The following ARID1B variants were observed in gnomAD, a reference collection of about 807,000 sequenced individuals.
ARID1B encodes AT-rich interaction domain 1B, also known as AT-rich interactive domain-containing protein 1B.
Under a neutral mutation model 212.3 loss-of-function variants are expected in ARID1B, and 30 were observed. That is an observed-to-expected ratio of 0.14 (90% CI 0.11 to 0.19). ARID1B has a LOEUF of 0.19. ARID1B is among the 10% of genes least tolerant of loss of function. The pLI, the probability that ARID1B is intolerant of heterozygous loss-of-function variation, is 1.00. For synonymous variants in ARID1B, 1,402 were observed against 1,301.7 expected (o/e 1.08, Z -1.66); for missense variants, 2,891 against 3,204.0 (o/e 0.90, Z 2.36).
chr6:156,912,666 A>G (rs1789990576), intron 3 of ARID1B, among the ~76,000 whole-genome samples: 1 of 152,208 alleles, frequency 6.6e-6, no homozygotes, highest in South Asian at 2.1e-4. Context: ...ACAAGCAATC[A>G]GGAGAACTTA....
rs12175324 is a variant in ARID1B at position 157,102,732 on chromosome 6, G to A, written c.2492-7740G>A. On this transcript the variant is annotated intron_variant, in intron 5 of 19. Transcript: ENST00000636930. Reference sequence around the variant, plus strand: ...CTGCCTCAGCCTCCTGAGTGGCTGAGATTACAGGTGTACGCCACCACGCCT... The same window carrying A: ...CTGCCTCAGCCTCCTGAGTGGCTGAAATTACAGGTGTACGCCACCACGCCT... Among the ~76,000 whole-genome samples the A allele has an allele frequency of 4.0e-5, 6 of 149,992 alleles. No individual in the cohort carries two copies. The South Asian group carries it at 1.3e-3, about 32-fold the overall frequency.
At chr6:156,880,728 A>G (rs1786988578) in intron 2 of ARID1B, among the ~76,000 whole-genome samples, 1 of 130,870 alleles carries the variant, frequency 7.6e-6, no homozygotes, top group African/African-American at 2.9e-5. Context: ...CCACGGAGCG[A>G]GACTCTGTCT....
chr6:157,035,185 TATA>T lies in ARID1B; in HGVS notation c.2248-49473_2248-49471del, dbSNP rs1583187499. Among the ~76,000 whole-genome samples, 3 of 152,368 alleles carry T rather than the reference TATA, an allele frequency of 2.0e-5. No homozygotes were observed. In the East Asian group the frequency reaches 5.8e-4, roughly 29 times the overall value. Reference sequence around the variant, plus strand: ...GAATTTTCTTGTTACATTGACTTTTTATAATATGATAAAATATGCAGAACTCAC... The same window carrying T: ...GAATTTTCTTGTTACATTGACTTTTTATATGATAAAATATGCAGAACTCAC... On this transcript the variant is annotated intron_variant, in intron 4 of 19. Coordinates refer to ENST00000636930, the MANE Select transcript of ARID1B (RefSeq NM_001374828.1).
At chr6:157,170,866 TG>T (rs1791673676) in intron 9 of ARID1B, among the ~76,000 whole-genome samples, 3 of 152,216 alleles carry the variant, frequency 2.0e-5, no homozygotes, top group Admixed American at 2.0e-4. Flanking sequence ...ACCTTCACAG[TG>T]GACTTTCTGT....
intron 5 of ARID1B, among the ~76,000 whole-genome samples, chr6:157,091,269 G>A (rs979961119): frequency 2.6e-5 from 4 of 152,086 alleles, no homozygotes; most frequent in Admixed American, 6.5e-5. Context: ...CAGACAAAAA[G>A]CATGAGTTCT....
At chr6:156,927,260 T>A (rs941844299) in intron 3 of ARID1B, among the ~76,000 whole-genome samples, 8 of 152,230 alleles carry the variant, frequency 5.3e-5, no homozygotes, top group African/African-American at 1.9e-4. Context: ...TCTCCTCTCC[T>A]TCTCGTCCTC....
At position 157,206,944 on chromosome 6, in the gene ARID1B, G is replaced by A. The variant is rs772464386; in HGVS notation, c.6172G>A (p.Ala2058Thr). The A allele has an allele frequency of 1.7e-5, 28 of 1,614,148 alleles. No homozygotes were observed. Among genetic ancestry groups the A allele is most frequent in the East Asian group, 1.6e-4 (7 of 44,872 alleles). ...SRDETPLCTI[A>T]HWQDSLAKRC... Reference sequence around the variant, plus strand: ...AGACGAGACTCCTCTGTGTACCATCGCGCACTGGCAGGACTCGCTGGCTAA... The same window carrying A: ...AGACGAGACTCCTCTGTGTACCATCACGCACTGGCAGGACTCGCTGGCTAA... Residue 2058 changes from alanine (A) to threonine (T), a missense_variant, in exon 20 of 20, where the codon GCG (alanine) becomes ACG (threonine). By Grantham distance (58) the Ala-to-Thr change is moderately conservative. Coordinates refer to ENST00000636930, the MANE Select transcript of ARID1B (RefSeq NM_001374828.1). The surrounding 1 kb of genome is among the most constrained non-coding windows in gnomAD (Gnocchi z 6.8).
chr6:156,795,509 A>G (rs1274860208), intron 1 of ARID1B, among the ~76,000 whole-genome samples: 1 of 152,196 alleles, frequency 6.6e-6, no homozygotes, highest in African/African-American at 2.4e-5. Context: ...AAAAATCATC[A>G]AGACGGTAAT....
chr6:157,098,717 T>C (rs764283350), intron 5 of ARID1B, among the ~76,000 whole-genome samples: 1 of 152,242 alleles, frequency 6.6e-6, no homozygotes, highest in Non-Finnish European at 1.5e-5. Flanking sequence ...TTTTATTTAA[T>C]GGCTGTTTTA....
chr6:157,088,525 C>G (rs1244897029), intron 5 of ARID1B, among the ~76,000 whole-genome samples: 1 of 152,132 alleles, frequency 6.6e-6, no homozygotes, highest in African/African-American at 2.4e-5. Flanking sequence ...AAATCATTTC[C>G]CTAAGATTCA....
intron 2 of ARID1B, among the ~76,000 whole-genome samples, chr6:156,897,322 G>T (rs543663038): frequency 6.8e-6 from 1 of 147,066 alleles, no homozygotes; most frequent in African/African-American, 2.5e-5. Context: ...CGCCCAGGCT[G>T]GAGTGCACTG....
intron 5 of ARID1B, among the ~76,000 whole-genome samples, chr6:157,092,033 G>A (rs1213558661): frequency 3.3e-5 from 5 of 151,972 alleles, no homozygotes; most frequent in African/African-American, 4.8e-5. Flanking sequence ...TTGGCAAGCC[G>A]AGGAGGAAAA....
At position 157,200,571 on chromosome 6, in the gene ARID1B, CTGT is replaced by C. The variant is rs1794024063; in HGVS notation, c.4480-129_4480-127del. 1.5e-5 allele frequency: 14 copies of C among 964,246 alleles called. No individual in the cohort carries two copies. In the South Asian group the frequency reaches 2.2e-4, roughly 15 times the overall value. 59.7% of individuals were successfully genotyped at this position (964,246 alleles called of 1,614,324 possible). On this transcript the variant is annotated intron_variant, in intron 17 of 19. Coordinates refer to ENST00000636930, the MANE Select transcript of ARID1B (RefSeq NM_001374828.1). This position sits in a 1 kb window ranked among gnomAD's most constrained non-coding sequence, Gnocchi z 4.3. Reference sequence around the variant, plus strand: ...ATATTGAACATAAATTGTTAGTTCTCTGTTGTTATAGGAGCTTCCCATATTCAT... The same window carrying C: ...ATATTGAACATAAATTGTTAGTTCTCTGTTATAGGAGCTTCCCATATTCAT...
intron 1 of ARID1B, among the ~76,000 whole-genome samples, chr6:156,822,035 G>A (rs1782387546): frequency 6.6e-6 from 1 of 151,804 alleles, no homozygotes; most frequent in African/African-American, 2.4e-5. Context: ...GTAGAGAAGG[G>A]GTTTCACCAT....
intron 2 of ARID1B, among the ~76,000 whole-genome samples, chr6:156,879,533 C>T (rs1424146443): frequency 6.6e-6 from 1 of 152,142 alleles, no homozygotes; most frequent in African/African-American, 2.4e-5. Context: ...GCTGTAGAAG[C>T]CAGATAGATG....
At chr6:156,873,331 G>A (rs529076365) in intron 2 of ARID1B, among the ~76,000 whole-genome samples, 3 of 152,176 alleles carry the variant, frequency 2.0e-5, no homozygotes, top group African/African-American at 7.2e-5. Context: ...CACAATAATT[G>A]TGTTCAACTG....
chr6:156,998,662 T>A (rs1030697724), intron 4 of ARID1B, among the ~76,000 whole-genome samples: 2 of 152,188 alleles, frequency 1.3e-5, no homozygotes, highest in African/African-American at 4.8e-5. Flanking sequence ...GGAGATTGGC[T>A]TTCTCCAGCT....
intron 2 of ARID1B, among the ~76,000 whole-genome samples, chr6:156,849,068 T>C (rs1784414260): frequency 6.6e-6 from 1 of 152,228 alleles, no homozygotes; most frequent in Non-Finnish European, 1.5e-5. Context: ...ATTTATTAAA[T>C]GTCAAAAATT....
chr6:157,016,773 C>G (rs1392425198), intron 4 of ARID1B, among the ~76,000 whole-genome samples: 2 of 152,166 alleles, frequency 1.3e-5, no homozygotes, highest in South Asian at 2.1e-4. Flanking sequence ...TTTTACTAAT[C>G]TTTCTTAAAT....
Sources: allele counts gnomAD v4.1 joint callset (sites outside exome capture counted in the v4.1 genomes callset), GRCh38; gene constraint gnomAD v4.1.1; non-coding constraint Gnocchi (gnomAD v3.1); transcripts MANE v1.5; gene names NCBI Gene and HGNC (gene_info 2026-07-23, HGNC 2026-07-21).